The following ARID3A variants were observed in gnomAD, a reference collection of about 807,000 sequenced individuals.
ARID3A encodes the protein AT-rich interaction domain 3A.
Under a neutral mutation model 52.7 loss-of-function variants are expected in ARID3A, and 11 were observed. The ratio of observed to expected loss-of-function variants is 0.21; its 90% CI spans 0.13 to 0.35. ARID3A has a LOEUF of 0.35. ARID3A is among the 10% of genes least tolerant of loss of function. ARID3A has a pLI of 1.00. For missense variants in ARID3A, 721 were observed against 838.5 expected, an observed-to-expected ratio of 0.86 and a Z score of 1.73; for synonymous variants, 404 against 359.4, an observed-to-expected ratio of 1.12 and a Z score of -1.40.
intron 3 of ARID3A, among the ~76,000 whole-genome samples, chr19:946,730 C>T (rs1011484091): frequency 2.0e-5 from 3 of 151,542 alleles, no homozygotes; most frequent in Middle Eastern, 3.2e-3. Flanking sequence ...CGTGAGCCAC[C>T]GTCCCCGGCT....
At position 973,103 on chromosome 19, in the gene ARID3A, A is replaced by ATTCTTTTTTTTTTT. The variant is rs1568378193; in HGVS notation, c.*1038_*1039insTTCTTTTTTTTTTT. 1 of 13,990 alleles carries ATTCTTTTTTTTTTT rather than the reference A, an allele frequency of 7.1e-5. No homozygotes were observed. The highest frequency in any genetic ancestry group is 1.7e-4 in the African/African-American group (1 of 5,850). 0.9% of individuals were successfully genotyped at this position (13,990 alleles called of 1,614,324 possible). ...TGGGCTCTCGAGTCAGGGGCCTGGA[A>ATTCTTTTTTTTTTT]ATTTTTTTTTTTTTTTTTTTTTGAG... On this transcript the variant is annotated 3_prime_UTR_variant, in exon 9 of 9. Coordinates refer to ENST00000263620, the MANE Select transcript of ARID3A (RefSeq NM_005224.3).
chr19:957,020 C>A (rs552877304), intron 3 of ARID3A, among the ~76,000 whole-genome samples: 2 of 152,346 alleles, frequency 1.3e-5, no homozygotes, highest in Admixed American at 6.5e-5. Flanking sequence ...GTATTTGTCG[C>A]AGCTCCTCCT....
chr19:945,506 G>T (rs894393268), intron 3 of ARID3A, among the ~76,000 whole-genome samples: 2 of 152,198 alleles, frequency 1.3e-5, no homozygotes, highest in African/African-American at 4.8e-5. Flanking sequence ...CCTGGAGCGG[G>T]CAGAGCCTTG....
intron 3 of ARID3A, among the ~76,000 whole-genome samples, chr19:952,587 C>T (rs1287598855): frequency 6.6e-6 from 1 of 152,098 alleles, no homozygotes; most frequent in Non-Finnish European, 1.5e-5. Flanking sequence ...AAACGCTAGA[C>T]ACTTGGATTC....
Position 929,362 on chromosome 19 carries a change from G to C in ARID3A, c.-167G>C, listed in dbSNP as rs1427250653. 5.9e-6 allele frequency: 2 copies of C among 336,304 alleles called. No individual in the cohort carries two copies. Among genetic ancestry groups the C allele is most frequent in the East Asian group, 7.6e-5 (1 of 13,112 alleles). The allele number at this position is 336,304 out of a possible 1,614,324, so 20.8% of individuals were successfully genotyped here. On this transcript the variant is annotated 5_prime_UTR_variant, in exon 2 of 9. Coordinates refer to ENST00000263620, the MANE Select transcript of ARID3A (RefSeq NM_005224.3). This position sits in a 1 kb window ranked among gnomAD's most constrained non-coding sequence, Gnocchi z 6.2. ...CATCAGCCTTCAGCTTGAGCCCGGC[G>C]GCCCCCGCCCCCGCCCCCTGCCACC...
At position 972,801 on chromosome 19, in the gene ARID3A, CAAAAAAAAAAAAAAAAAA is replaced by C. The variant is rs57620894; in HGVS notation, c.*749_*766del. On this transcript the variant is annotated 3_prime_UTR_variant, in exon 9 of 9. Transcript: ENST00000263620. The stretch of plus-strand genomic sequence containing the variant: ...GTCTTGAAAAAGCAAGAAAAAAAAG[CAAAAAAAAAAAAAAAAAA>C]AAAAAAAAAAAACTCACCTTTTTAT... The C allele has an allele frequency of 9.2e-5, 7 of 75,936 alleles. No homozygotes were observed. In the East Asian group the frequency reaches 1.3e-3, roughly 14 times the overall value. The allele number at this position is 75,936 out of a possible 1,614,324, so 4.7% of individuals were successfully genotyped here.
In ARID3A at chr19:941,425, G is replaced by A. The variant is rs1285193330; in HGVS notation, c.693+8683G>A. On this transcript the variant is annotated intron_variant, in intron 3 of 8. Transcript: ENST00000263620. The surrounding 1 kb of genome is among the most constrained non-coding windows in gnomAD (Gnocchi z 6.9). ...TGGGGCTGTGTGCACCCAGCCAGCG[G>A]CACCTCACGCGCCCGCCTGCGTGTC... is the stretch of plus-strand genomic sequence containing the variant. 6.6e-6 allele frequency among the ~76,000 whole-genome samples: 1 copy of A among 152,196 alleles called. No individual in the cohort carries two copies. Among genetic ancestry groups the A allele is most frequent in the East Asian group, 1.9e-4 (1 of 5,186 alleles).
At chr19:932,274 G>A in intron 2 of ARID3A, 144 bp from the exon 3 acceptor site, 1 of 1,447,860 alleles carries the variant, frequency 6.9e-7, no homozygotes, top group Non-Finnish European at 9.2e-7. Context: ...GTGCTCATGA[G>A]CGCTCTCTGC....
At chr19:927,723 TG>T (rs2037231130) in intron 1 of ARID3A, among the ~76,000 whole-genome samples, 1 of 150,888 alleles carries the variant, frequency 6.6e-6, no homozygotes, top group South Asian at 2.1e-4. Flanking sequence ...AGCCTGGGGA[TG>T]GGGGGCTGGG....
In ARID3A at chr19:942,772, G is replaced by T. The variant is rs1055101137; in HGVS notation, c.693+10030G>T. Reference sequence around the variant, plus strand: ...TAGTGCCCAGATTCCATGCCCAGCAGCCTCCTCTGCCACCCTCAGAGACGG... The same window carrying T: ...TAGTGCCCAGATTCCATGCCCAGCATCCTCCTCTGCCACCCTCAGAGACGG... On this transcript the variant is annotated intron_variant, in intron 3 of 8. Transcript: ENST00000263620. The surrounding 1 kb of genome is among the most constrained non-coding windows in gnomAD (Gnocchi z 8.1). Among the ~76,000 whole-genome samples, 3 of 152,210 alleles carry T rather than the reference G, an allele frequency of 2.0e-5. No homozygotes were observed. Among genetic ancestry groups the T allele is most frequent in the African/African-American group, 4.8e-5 (2 of 41,452 alleles).
At chr19:969,070 G>A (rs535385573) in intron 8 of ARID3A, among the ~76,000 whole-genome samples, 7 of 152,116 alleles carry the variant, frequency 4.6e-5, no homozygotes, top group East Asian at 3.9e-4. Context: ...GCCACAGACC[G>A]AGACCCTGTC....
chr19:932,012 T>C (rs990857538), intron 2 of ARID3A, among the ~76,000 whole-genome samples: 13 of 151,356 alleles, frequency 8.6e-5, no homozygotes, highest in African/African-American at 1.2e-4. Flanking sequence ...TTTTTTTTTT[T>C]CCCAAGAGAG....
At chr19:934,081 T>G (rs1029724887) in intron 3 of ARID3A, among the ~76,000 whole-genome samples, 2 of 152,112 alleles carry the variant, frequency 1.3e-5, no homozygotes, top group African/African-American at 4.8e-5. Flanking sequence ...ACCAATTAAT[T>G]TAACATTCAC....
chr19:966,266 C>G (rs2038150451), intron 6 of ARID3A, among the ~76,000 whole-genome samples: 1 of 151,658 alleles, frequency 6.6e-6, no homozygotes, highest in African/African-American at 2.4e-5. Context: ...TCAAGACCAG[C>G]CTGGCCAACA....
chr19:953,699 G>A (rs2037853371), intron 3 of ARID3A, among the ~76,000 whole-genome samples: 1 of 152,206 alleles, frequency 6.6e-6, no homozygotes. Context: ...CAGGAGCCGA[G>A]CGGGGACCCG....
At chr19:927,354 G>A (rs1000200392) in intron 1 of ARID3A, among the ~76,000 whole-genome samples, 4 of 69,630 alleles carry the variant, frequency 5.7e-5, no homozygotes, top group Non-Finnish European at 1.2e-4. Flanking sequence ...GCTAGTTTAG[G>A]GTTATGGCGG....
rs1477280501 is a variant in ARID3A, at chr19:941,264, G to A, written c.693+8522G>A. On this transcript the variant is annotated intron_variant, in intron 3 of 8. Transcript: ENST00000263620. The surrounding 1 kb of genome is among the most constrained non-coding windows in gnomAD (Gnocchi z 6.9). ...CGTGCGTGCGAGTGTGCACGCTGGGGCTGTGGCCGGGCGGCTCGTGGGTCC... is the reference window on the plus strand; with the variant it reads ...CGTGCGTGCGAGTGTGCACGCTGGGACTGTGGCCGGGCGGCTCGTGGGTCC... 2.6e-5 allele frequency among the ~76,000 whole-genome samples: 4 copies of A among 152,372 alleles called. No individual in the cohort carries two copies. The highest frequency in any genetic ancestry group is 9.6e-5 in the African/African-American group (4 of 41,600).
rs2038315295 is a variant in ARID3A at position 973,104 on chromosome 19, A to ATTTTTTTTTTTTTGTTTTTT, written c.*1052_*1053insGTTTTTTTTTTTTTTTTTTT. On this transcript the variant is annotated 3_prime_UTR_variant, in exon 9 of 9. Coordinates refer to ENST00000263620, the MANE Select transcript of ARID3A (RefSeq NM_005224.3). ...GGGCTCTCGAGTCAGGGGCCTGGAA[A>ATTTTTTTTTTTTTGTTTTTT]TTTTTTTTTTTTTTTTTTTTTGAGA... The ATTTTTTTTTTTTTGTTTTTT allele has an allele frequency of 1.9e-5, 1 of 53,488 alleles. No individual in the cohort carries two copies. Among genetic ancestry groups the ATTTTTTTTTTTTTGTTTTTT allele is most frequent in the Non-Finnish European group, 3.4e-5 (1 of 29,006 alleles). The allele number at this position is 53,488 out of a possible 1,614,324, so 3.3% of individuals were successfully genotyped here. A position where few individuals can be genotyped will look rare whatever the true frequency, so the allele number is the denominator to read the frequency against.
At chr19:931,885 G>T (rs371341690) in intron 2 of ARID3A, among the ~76,000 whole-genome samples, 1 of 152,128 alleles carries the variant, frequency 6.6e-6, no homozygotes. Flanking sequence ...CAGTGGCGAG[G>T]GTGGGGCGGA....
Sources: gnomAD v4.1 joint callset for allele counts (sites outside exome capture counted in the v4.1 genomes callset) on GRCh38, gnomAD v4.1.1 for gene constraint, Gnocchi (gnomAD v3.1) non-coding constraint, MANE v1.5 for transcripts, NCBI Gene and HGNC (gene_info 2026-07-23, HGNC 2026-07-21) for gene names.